KCNK13: variants seen among roughly 807,000 people sequenced by gnomAD.
The protein encoded by KCNK13 is potassium two pore domain channel subfamily K member 13, also known as potassium channel subfamily K member 13.
In KCNK13, 12 loss-of-function variants were observed where a neutral mutation model predicts 23.4. That is an observed-to-expected ratio of 0.51 (90% CI 0.33 to 0.83). The LOEUF is 0.83. KCNK13 is among the 40% of genes least tolerant of loss of function. The pLI is 0.02. For missense variants in KCNK13, 463 were observed against 556.3 expected (o/e 0.83, Z 1.69); for synonymous variants, 231 against 229.5 (o/e 1.01, Z -0.06).
At chr14:90,119,070 C>A (rs1187376321) in intron 1 of KCNK13, among the ~76,000 whole-genome samples, 1 of 152,174 alleles carries the variant, frequency 6.6e-6, no homozygotes, top group Non-Finnish European at 1.5e-5. Context: ...TGGACACATA[C>A]ATCCTCCTAA....
chr14:90,114,019 T>C (rs1889645959), intron 1 of KCNK13, among the ~76,000 whole-genome samples: 1 of 152,156 alleles, frequency 6.6e-6, no homozygotes, highest in Non-Finnish European at 1.5e-5. Context: ...TTGCAACTTT[T>C]CTCTAAGTCT....
chr14:90,074,131 G>A (rs1010390657), intron 1 of KCNK13, among the ~76,000 whole-genome samples: 2 of 151,606 alleles, frequency 1.3e-5, no homozygotes, highest in African/African-American at 2.4e-5. Context: ...CACCACACCT[G>A]GCTAATTTTT....
intron 1 of KCNK13, among the ~76,000 whole-genome samples, chr14:90,103,125 G>T (rs1889501448): frequency 6.6e-6 from 1 of 152,044 alleles, no homozygotes. Context: ...CTTTTTTAAG[G>T]CTGCATAATA....
chr14:90,151,444 A>G (rs1379683064), intron 1 of KCNK13, among the ~76,000 whole-genome samples: 12 of 152,120 alleles, frequency 7.9e-5, no homozygotes, highest in Non-Finnish European at 8.8e-5. Context: ...CTTTTGAGAA[A>G]TGTCTGTTCA....
chr14:90,141,796 G>GT (rs370680036), intron 1 of KCNK13, among the ~76,000 whole-genome samples: 3 of 145,438 alleles, frequency 2.1e-5, no homozygotes, highest in Middle Eastern at 3.9e-3. Flanking sequence ...TTGTTTTTTG[G>GT]GGGGGGGGAC....
At chr14:90,167,026 A>G (rs1890311849) in intron 1 of KCNK13, among the ~76,000 whole-genome samples, 1 of 152,218 alleles carries the variant, frequency 6.6e-6, no homozygotes. Flanking sequence ...CTAGCTAGCT[A>G]CATGACTTTG....
At chr14:90,080,498 G>A (rs1889195143) in intron 1 of KCNK13, among the ~76,000 whole-genome samples, 1 of 151,890 alleles carries the variant, frequency 6.6e-6, no homozygotes, top group South Asian at 2.1e-4. Context: ...AAAAAAAGAA[G>A]TATGACGCTC....
At position 90,165,635 on chromosome 14, in the gene KCNK13, GA is replaced by G. The variant is rs1890294341; in HGVS notation, c.335-18474del. ...AGGGAGGGCAATTTAGTTCAAGAGA[GA>G]ACATAATTATATCTGCTTGCTTTTA... On this transcript the variant is annotated intron_variant, in intron 1 of 1. Coordinates refer to ENST00000282146, the MANE Select transcript of KCNK13 (RefSeq NM_022054.4). Among the ~76,000 whole-genome samples the G allele has an allele frequency of 2.0e-5, 3 of 152,296 alleles. No individual in the cohort carries two copies. The South Asian group carries it at 6.2e-4, about 32-fold the overall frequency.
At chr14:90,079,344 G>T (rs1475351158) in intron 1 of KCNK13, among the ~76,000 whole-genome samples, 1 of 152,204 alleles carries the variant, frequency 6.6e-6, no homozygotes, top group African/African-American at 2.4e-5. Context: ...GATGAGAAAA[G>T]GGAATTGAGG....
intron 1 of KCNK13, among the ~76,000 whole-genome samples, chr14:90,108,914 C>T (rs1330630550): frequency 2.6e-5 from 4 of 152,144 alleles, no homozygotes; most frequent in African/African-American, 9.7e-5. Flanking sequence ...CAGTGGCTGA[C>T]GCCTGTAATC....
At position 90,098,605 on chromosome 14, in the gene KCNK13, A is replaced by C. The variant is rs138418152; in HGVS notation, c.334+36066A>C. On this transcript the variant is annotated intron_variant, in intron 1 of 1. Transcript: ENST00000282146. ...GAGGTGGAGGTTGCAGTGAGGCGAG[A>C]TCATGCCACTGCACTCCATCCTGGG... Among the ~76,000 whole-genome samples the C allele has an allele frequency of 6.2e-4, 94 of 151,634 alleles. No homozygotes were observed. The East Asian group carries it at 0.015, about 25-fold the overall frequency.
At chr14:90,159,334 G>A (rs1441424755) in intron 1 of KCNK13, among the ~76,000 whole-genome samples, 1 of 152,180 alleles carries the variant, frequency 6.6e-6, no homozygotes, top group African/African-American at 2.4e-5. Context: ...AGACCTTTCT[G>A]CCCTGATTAG....
chr14:90,087,143 TATA>T (rs1889288291), intron 1 of KCNK13, among the ~76,000 whole-genome samples: 1 of 115,388 alleles, frequency 8.7e-6, no homozygotes, highest in African/African-American at 3.6e-5. Flanking sequence ...TATATATATA[TATA>T]TATATATATT....
intron 1 of KCNK13, among the ~76,000 whole-genome samples, chr14:90,176,747 C>T (rs1161523002): frequency 2.0e-5 from 3 of 152,132 alleles, no homozygotes; most frequent in Non-Finnish European, 4.4e-5. Context: ...AGAGGCCTGG[C>T]TCAGTGGCTC....
intron 1 of KCNK13, among the ~76,000 whole-genome samples, chr14:90,183,739 G>C (rs570337240): frequency 6.6e-6 from 1 of 152,152 alleles, no homozygotes; most frequent in African/African-American, 2.4e-5. Flanking sequence ...CTCTAAACAT[G>C]ATCTGTTGAG....
intron 1 of KCNK13, among the ~76,000 whole-genome samples, chr14:90,153,236 C>G (rs146712886): frequency 6.6e-6 from 1 of 152,144 alleles, no homozygotes; most frequent in South Asian, 2.1e-4. Context: ...CACTGTACTC[C>G]CTAAAGCCCC....
intron 1 of KCNK13, among the ~76,000 whole-genome samples, chr14:90,158,802 C>T (rs1890222340): frequency 6.6e-6 from 1 of 152,176 alleles, no homozygotes; most frequent in African/African-American, 2.4e-5. Context: ...GCAAATGTAA[C>T]AAGACCTAAC....
intron 1 of KCNK13, among the ~76,000 whole-genome samples, chr14:90,094,787 A>G (rs1889391228): frequency 2.0e-5 from 3 of 150,794 alleles, no homozygotes; most frequent in Non-Finnish European, 4.4e-5. Context: ...AGCTGGGACC[A>G]CAGGCGCCCA....
At chr14:90,167,666 G>A (rs1341130283) in intron 1 of KCNK13, among the ~76,000 whole-genome samples, 3 of 152,132 alleles carry the variant, frequency 2.0e-5, no homozygotes, top group East Asian at 3.9e-4. Flanking sequence ...CTCATTCGCT[G>A]AGGCAGTCCA....
Sources: allele counts gnomAD v4.1 joint callset (sites outside exome capture counted in the v4.1 genomes callset), GRCh38; gene constraint gnomAD v4.1.1; transcripts MANE v1.5; gene names NCBI Gene and HGNC (gene_info 2026-07-23, HGNC 2026-07-21).